PAK1: variants seen among roughly 807,000 people sequenced by gnomAD.
PAK1 encodes serine/threonine-protein kinase PAK 1.
PAK1 carries 29 observed loss-of-function variants against 67.4 expected under a neutral mutation model. The observed-to-expected ratio is 0.43, with a 90% CI of 0.32 to 0.59. The LOEUF (loss-of-function observed/expected upper bound fraction) is 0.59. Among genes scored for constraint, PAK1 ranks in the 20% least tolerant of loss-of-function variants. PAK1 has a pLI of 0.07. For missense variants in PAK1, 337 were observed against 670.7 expected, an observed-to-expected ratio of 0.50 and a Z score of 5.50; for synonymous variants, 223 against 237.4, an observed-to-expected ratio of 0.94 and a Z score of 0.56.
intron 1 of PAK1, among the ~76,000 whole-genome samples, chr11:77,416,691 C>T (rs577969529): frequency 3.3e-5 from 5 of 152,300 alleles, no homozygotes; most frequent in Admixed American, 1.3e-4. Context: ...CTGTGGCTGA[C>T]GCCTGTAATC....
chr11:77,392,824 T>A (rs1454893400), intron 1 of PAK1, among the ~76,000 whole-genome samples: 2 of 152,188 alleles, frequency 1.3e-5, no homozygotes, highest in Non-Finnish European at 2.9e-5. Context: ...AAGCAGAAAT[T>A]TGGCCTAGCA....
At chr11:77,429,864 T>C (rs1955778856) in intron 1 of PAK1, among the ~76,000 whole-genome samples, 1 of 152,220 alleles carries the variant, frequency 6.6e-6, no homozygotes, top group Non-Finnish European at 1.5e-5. Context: ...TGCATTGTAC[T>C]TACACAACCA....
intron 8 of PAK1, among the ~76,000 whole-genome samples, chr11:77,350,719 C>T (rs1237827323): frequency 6.6e-6 from 1 of 152,124 alleles, no homozygotes; most frequent in Non-Finnish European, 1.5e-5. Flanking sequence ...CTATGGTCAC[C>T]AGCTCCCTAA....
chr11:77,482,589 C>CTT, the PAK1 span, among the ~76,000 whole-genome samples: 22 of 137,706 alleles, frequency 1.6e-4, no homozygotes, highest in African/African-American at 5.6e-4. Flanking sequence ...TTCCCTCACT[C>CTT]TTTTTTTCTT....
intron 6 of PAK1, among the ~76,000 whole-genome samples, chr11:77,357,164 T>C (rs1431969686): frequency 6.6e-6 from 1 of 152,238 alleles, no homozygotes; most frequent in African/African-American, 2.4e-5. Context: ...GATGATCATT[T>C]ATCTGCGATG....
intron 5 of PAK1, among the ~76,000 whole-genome samples, chr11:77,361,544 G>C (rs184834234): frequency 4.5e-4 from 69 of 152,166 alleles, no homozygotes; most frequent in Non-Finnish European, 8.8e-4. Flanking sequence ...ACTGTGAGTA[G>C]AACAGTGATG....
intron 1 of PAK1, among the ~76,000 whole-genome samples, chr11:77,418,313 A>G (rs1030113687): frequency 6.6e-5 from 10 of 152,166 alleles, no homozygotes; most frequent in African/African-American, 1.9e-4. Context: ...CGTACCCTCC[A>G]CTAAATAGAG....
chr11:77,389,210 T>C (rs1490432470), intron 2 of PAK1, among the ~76,000 whole-genome samples: 1 of 152,214 alleles, frequency 6.6e-6, no homozygotes. Context: ...CTGGCTTCTT[T>C]CACTTAACAC....
intron 2 of PAK1, among the ~76,000 whole-genome samples, chr11:77,388,998 G>T (rs1328927983): frequency 1.3e-5 from 2 of 152,108 alleles, no homozygotes; most frequent in African/African-American, 4.8e-5. Context: ...TCAGAGAGCT[G>T]GACAGGTATC....
intron 1 of PAK1, among the ~76,000 whole-genome samples, chr11:77,463,879 A>T (rs1382341351): frequency 6.6e-6 from 1 of 152,178 alleles, no homozygotes; most frequent in Non-Finnish European, 1.5e-5. Flanking sequence ...AACCAGCATT[A>T]TCCAACTGAA....
the PAK1 span, among the ~76,000 whole-genome samples, chr11:77,489,513 G>A: frequency 6.6e-6 from 1 of 151,876 alleles, no homozygotes; most frequent in African/African-American, 2.4e-5. Context: ...AAGCTGGACT[G>A]TACTGCTGCC....
At chr11:77,490,329 T>TG in the PAK1 span, among the ~76,000 whole-genome samples, 5 of 96,182 alleles carry the variant, frequency 5.2e-5, no homozygotes, top group South Asian at 4.1e-4. Flanking sequence ...GGGAGGGAGG[T>TG]GGGGGGGTCA....
chr11:77,386,188 T>A (rs1332436064), intron 2 of PAK1, among the ~76,000 whole-genome samples: 10 of 152,328 alleles, frequency 6.6e-5, no homozygotes, highest in Admixed American at 6.5e-4. Context: ...GGTATAGCCA[T>A]CAAAGTTTCA....
chr11:77,470,825 A>G (rs570197474), intron 1 of PAK1, among the ~76,000 whole-genome samples: 3 of 152,360 alleles, frequency 2.0e-5, no homozygotes, highest in Admixed American at 6.5e-5. Flanking sequence ...GAATATTGCA[A>G]CAGCAGTTTT....
At chr11:77,399,980 T>A (rs891440089) in intron 1 of PAK1, among the ~76,000 whole-genome samples, 1 of 149,744 alleles carries the variant, frequency 6.7e-6, no homozygotes, top group Non-Finnish European at 1.5e-5. Context: ...GGTAGGAGAA[T>A]CTAGGTGGTG....
At chr11:77,326,038 G>C (rs986589458) in intron 14 of PAK1, among the ~76,000 whole-genome samples, 1 of 152,012 alleles carries the variant, frequency 6.6e-6, no homozygotes, top group African/African-American at 2.4e-5. Context: ...GTCACTTCTG[G>C]GCTTCATAAT....
Position 77,323,020 on chromosome 11 carries a change from C to A in PAK1, c.*254G>T. Reference sequence around the variant, plus strand: ...ACATTTATTTATATAAACCCTTAATCATAAACCACCCTCATATCCATGAAT... The same window carrying A: ...ACATTTATTTATATAAACCCTTAATAATAAACCACCCTCATATCCATGAAT... On this transcript the variant is annotated 3_prime_UTR_variant, in exon 15 of 15. Transcript: ENST00000356341. 1 of 700,826 alleles carries A rather than the reference C, an allele frequency of 1.4e-6. No individual in the cohort carries two copies. The highest frequency in any genetic ancestry group is 2.5e-6 in the Non-Finnish European group (1 of 397,254). The allele number at this position is 700,826 out of a possible 1,614,324, so 43.4% of individuals were successfully genotyped here.
At chr11:77,400,320 T>C (rs1260260586) in intron 1 of PAK1, among the ~76,000 whole-genome samples, 1 of 152,208 alleles carries the variant, frequency 6.6e-6, no homozygotes, top group East Asian at 1.9e-4. Context: ...AGGTCTTTTA[T>C]GTTCTGCACC....
At chr11:77,354,613 A>G (rs963762545) in intron 7 of PAK1, among the ~76,000 whole-genome samples, 13 of 152,362 alleles carry the variant, frequency 8.5e-5, no homozygotes, top group Admixed American at 7.8e-4. Flanking sequence ...ACAAGACTAC[A>G]TACAGGAGTA....
Sources: allele counts gnomAD v4.1 joint callset (sites outside exome capture counted in the v4.1 genomes callset), GRCh38; gene constraint gnomAD v4.1.1; transcripts MANE v1.5; gene names NCBI Gene and HGNC (gene_info 2026-07-23, HGNC 2026-07-21).